The following ZC3H12B variants were observed in gnomAD, a reference collection of about 807,000 sequenced individuals.
The protein encoded by ZC3H12B is probable ribonuclease ZC3H12B.
Under a neutral mutation model 43.9 loss-of-function variants are expected in ZC3H12B, and 7 were observed. The observed-to-expected ratio is 0.16, with a 90% CI of 0.09 to 0.30. The LOEUF is 0.30. ZC3H12B is among the 10% of genes least tolerant of loss of function. ZC3H12B has a pLI of 1.00. For synonymous variants in ZC3H12B, 222 were observed against 241.7 expected (o/e 0.92, Z 0.76); for missense variants, 475 against 670.2 (o/e 0.71, Z 3.22).
intron 3 of ZC3H12B, among the ~76,000 whole-genome samples, chrX:65,463,805 A>C (rs1271149040): frequency 9.0e-6 from 1 of 111,024 alleles, no homozygotes; most frequent in Non-Finnish European, 1.9e-5. Flanking sequence ...CAGTCTTTTT[A>C]GGCAGCTCCC....
At chrX:65,363,697 G>A (rs959464281), upstream of ZC3H12B, among the ~76,000 whole-genome samples, 1 of 111,684 alleles carries the variant, frequency 9.0e-6, no homozygotes, top group South Asian at 3.7e-4. Flanking sequence ...GCACCCTGTA[G>A]CCTTTTTGTC....
the ZC3H12B span, among the ~76,000 whole-genome samples, chrX:65,256,592 A>G: frequency 7.2e-5 from 8 of 111,735 alleles, no homozygotes; most frequent in Admixed American, 7.6e-4. Context: ...ATTTAGAAAC[A>G]TCTTGAATTA....
At chrX:65,366,003 C>T (rs1178821761), upstream of ZC3H12B, among the ~76,000 whole-genome samples, 4 of 110,645 alleles carry the variant, frequency 3.6e-5, no homozygotes, top group Admixed American at 3.9e-4. Context: ...AAGCTAATTT[C>T]ACCAAAGAAT....
the ZC3H12B span, among the ~76,000 whole-genome samples, chrX:65,200,481 G>A: frequency 1.1e-5 from 1 of 92,629 alleles, no homozygotes; most frequent in Non-Finnish European, 2.1e-5. Flanking sequence ...TGCCCAGGCT[G>A]GAGTGTAGTG....
chrX:65,303,261 T>C, the ZC3H12B span, among the ~76,000 whole-genome samples: 1 of 111,361 alleles, frequency 9.0e-6, no homozygotes, highest in Non-Finnish European at 1.9e-5. Flanking sequence ...CTATTGATTA[T>C]CAGGCTTAGT....
the ZC3H12B span, among the ~76,000 whole-genome samples, chrX:65,068,434 C>A: frequency 1.8e-5 from 2 of 110,434 alleles, no homozygotes; most frequent in Admixed American, 9.7e-5. Context: ...TCTTATAATT[C>A]ATTATTTTAA....
chrX:65,194,103 C>A, the ZC3H12B span, among the ~76,000 whole-genome samples: 1 of 109,947 alleles, frequency 9.1e-6, no homozygotes, highest in African/African-American at 3.3e-5. Flanking sequence ...TCAACTCCCA[C>A]CAGGCCCCAA....
intron 2 of ZC3H12B, among the ~76,000 whole-genome samples, chrX:65,382,790 G>C (rs1476236915): frequency 9.0e-6 from 1 of 111,402 alleles, no homozygotes; most frequent in Non-Finnish European, 1.9e-5. Context: ...AAAATCACAA[G>C]CATTCTTGTA....
At chrX:65,365,130 C>A (rs933880057), upstream of ZC3H12B, among the ~76,000 whole-genome samples, 6 of 110,970 alleles carry the variant, frequency 5.4e-5, no homozygotes, top group Admixed American at 4.8e-4. Context: ...AACCTTCATA[C>A]CCCTTACCAT....
intron 2 of ZC3H12B, among the ~76,000 whole-genome samples, chrX:65,397,249 G>T (rs962614933): frequency 1.8e-5 from 2 of 111,573 alleles, no homozygotes; most frequent in Non-Finnish European, 3.8e-5. Context: ...CATGATGCTA[G>T]CTGATTATTT....
intron 3 of ZC3H12B, among the ~76,000 whole-genome samples, chrX:65,451,271 TG>T (rs1302422590): frequency 3.6e-5 from 4 of 111,062 alleles, no homozygotes; most frequent in African/African-American, 6.6e-5. Flanking sequence ...TTTTTGTTTT[TG>T]TTTTTTTATA....
chrX:65,446,795 A>G (rs2067383424), intron 3 of ZC3H12B, among the ~76,000 whole-genome samples: 1 of 111,587 alleles, frequency 9.0e-6, no homozygotes, highest in South Asian at 3.8e-4. Context: ...TTTCCTTCAT[A>G]TGATGTTAAA....
intron 3 of ZC3H12B, among the ~76,000 whole-genome samples, chrX:65,424,663 C>A (rs2067059002): frequency 8.9e-6 from 1 of 111,736 alleles, no homozygotes; most frequent in South Asian, 3.7e-4. Flanking sequence ...AGGAGAGGGT[C>A]CTGTTTCAAT....
At chrX:65,222,144 C>A in the ZC3H12B span, among the ~76,000 whole-genome samples, 1 of 111,583 alleles carries the variant, frequency 9.0e-6, no homozygotes, top group South Asian at 3.7e-4. Flanking sequence ...TTACAAAATC[C>A]AGCATCACTT....
At chrX:65,053,155 C>A in the ZC3H12B span, among the ~76,000 whole-genome samples, 1 of 110,093 alleles carries the variant, frequency 9.1e-6, no homozygotes, top group Non-Finnish European at 1.9e-5. Flanking sequence ...ATGTGTACAA[C>A]CTGCAGGTTT....
At chrX:65,203,377 C>G in the ZC3H12B span, among the ~76,000 whole-genome samples, 1 of 111,537 alleles carries the variant, frequency 9.0e-6, no homozygotes, top group African/African-American at 3.3e-5. Context: ...ACAGCCAAGG[C>G]CCATGCAAGT....
chrX:65,460,936 G>A (rs2067733879), intron 3 of ZC3H12B, among the ~76,000 whole-genome samples: 1 of 111,330 alleles, frequency 9.0e-6, no homozygotes, highest in South Asian at 3.8e-4. Flanking sequence ...TACAGAATGG[G>A]AGAAAATTTT....
the ZC3H12B span, among the ~76,000 whole-genome samples, chrX:65,201,131 G>T: frequency 9.0e-6 from 1 of 111,554 alleles, no homozygotes; most frequent in Non-Finnish European, 1.9e-5. Flanking sequence ...GCTCTTCTTC[G>T]TACCTCTGGA....
chrX:65,321,977 A>C, the ZC3H12B span, among the ~76,000 whole-genome samples: 1 of 111,347 alleles, frequency 9.0e-6, no homozygotes, highest in East Asian at 2.8e-4. Flanking sequence ...TAATCTATAC[A>C]ACAAACTTCC....
Sources: allele counts gnomAD v4.1 joint callset (sites outside exome capture counted in the v4.1 genomes callset), GRCh38; gene constraint gnomAD v4.1.1; transcripts MANE v1.5; gene names NCBI Gene and HGNC (gene_info 2026-07-23, HGNC 2026-07-21).